The following CAB39L variants were observed in gnomAD, a reference collection of about 807,000 sequenced individuals.
The protein encoded by CAB39L is calcium binding protein 39 like.
A neutral mutation model predicts 39.1 loss-of-function variants in CAB39L; 23 were observed. That is an observed-to-expected ratio of 0.59 (90% confidence interval 0.42 to 0.83). The LOEUF (loss-of-function observed/expected upper bound fraction) is 0.83. Among genes scored for constraint, CAB39L ranks in the 40% least tolerant of loss-of-function variants. The probability of loss-of-function intolerance (pLI) is 0.00; values close to 1 mark genes in which losing one functional copy is unlikely to be tolerated. For missense variants in CAB39L, 366 were observed against 391.9 expected (o/e 0.93, Z 0.56); for synonymous variants, 126 against 137.2 (o/e 0.92, Z 0.57).
At chr13:49,357,982 T>C (rs1280088999) in intron 6 of CAB39L, among the ~76,000 whole-genome samples, 8 of 152,252 alleles carry the variant, frequency 5.3e-5, no homozygotes, top group Non-Finnish European at 1.2e-4. Flanking sequence ...TACTTTCACC[T>C]TTCTGTGGGC....
chr13:49,346,387 GAA>G (rs893818715), intron 7 of CAB39L, among the ~76,000 whole-genome samples: 9 of 146,588 alleles, frequency 6.1e-5, no homozygotes, highest in Non-Finnish European at 1.0e-4. Context: ...ACCCAAGAAG[GAA>G]AAGACAGAAA....
At chr13:49,338,575 G>A (rs1954914346) in intron 9 of CAB39L, among the ~76,000 whole-genome samples, 1 of 151,696 alleles carries the variant, frequency 6.6e-6, no homozygotes, top group East Asian at 1.9e-4. Flanking sequence ...TGGGTGCAGT[G>A]CAACAGCATG....
intron 3 of CAB39L, among the ~76,000 whole-genome samples, chr13:49,419,594 A>G (rs540113866): frequency 9.9e-5 from 15 of 152,272 alleles, no homozygotes; most frequent in Middle Eastern, 3.4e-3. Flanking sequence ...AAAAATAGGA[A>G]GAAGAAGAAA....
At chr13:49,342,515 T>C (rs1200207700) in intron 8 of CAB39L, among the ~76,000 whole-genome samples, 1 of 152,186 alleles carries the variant, frequency 6.6e-6, no homozygotes, top group Non-Finnish European at 1.5e-5. Context: ...ATAATACAAA[T>C]AGTTAAGTGC....
chr13:49,376,568 T>A (rs941702920), intron 5 of CAB39L, among the ~76,000 whole-genome samples: 5 of 152,228 alleles, frequency 3.3e-5, no homozygotes, highest in African/African-American at 1.2e-4. Context: ...AGTGAGTGAC[T>A]TTGGGCAAAT....
At chr13:49,433,017 T>C (rs906084591) in intron 3 of CAB39L, among the ~76,000 whole-genome samples, 1 of 152,208 alleles carries the variant, frequency 6.6e-6, no homozygotes, top group African/African-American at 2.4e-5. Context: ...GGATATATTA[T>C]ACTTGTTTTG....
intron 3 of CAB39L, among the ~76,000 whole-genome samples, chr13:49,404,969 G>C (rs751829943): frequency 1.3e-5 from 2 of 152,144 alleles, no homozygotes; most frequent in Non-Finnish European, 2.9e-5. Flanking sequence ...AGAGTCATTG[G>C]CCTTAAAAAG....
intron 3 of CAB39L, among the ~76,000 whole-genome samples, chr13:49,427,528 G>A (rs1357486850): frequency 1.3e-5 from 2 of 152,000 alleles, no homozygotes; most frequent in Admixed American, 6.6e-5. Context: ...ATCTCTACAA[G>A]AAATAAAAGA....
intron 10 of CAB39L, among the ~76,000 whole-genome samples, chr13:49,321,550 C>T (rs1206834713): frequency 3.9e-5 from 6 of 152,158 alleles, no homozygotes; most frequent in Admixed American, 2.0e-4. Context: ...GTGTGTGCAG[C>T]GTGCGCCTTC....
chr13:49,358,321 T>A (rs1042245364), intron 6 of CAB39L, among the ~76,000 whole-genome samples: 6 of 152,206 alleles, frequency 3.9e-5, no homozygotes, highest in Non-Finnish European at 7.3e-5. Flanking sequence ...ATGTGATTAT[T>A]AAAATTTAAA....
At chr13:49,353,371 T>C (rs556348381) in intron 6 of CAB39L, among the ~76,000 whole-genome samples, 34 of 152,340 alleles carry the variant, frequency 2.2e-4, no homozygotes, top group African/African-American at 6.7e-4. Context: ...TAAAGGCTGT[T>C]GGCCTAGAGA....
chr13:49,395,386 C>CCACCA (rs1956589423), intron 3 of CAB39L, among the ~76,000 whole-genome samples: 1 of 152,048 alleles, frequency 6.6e-6, no homozygotes, highest in Admixed American at 6.6e-5. Flanking sequence ...CAGGCACTCA[C>CCACCA]CACCACGTTC....
At chr13:49,377,960 C>T (rs1456570790) in intron 4 of CAB39L, among the ~76,000 whole-genome samples, 1 of 76,752 alleles carries the variant, frequency 1.3e-5, no homozygotes, top group East Asian at 2.3e-4. Flanking sequence ...GCGTCTCTGC[C>T]CGGCCGCCCA....
chr13:49,378,669 G>C (rs1369106036), intron 4 of CAB39L, among the ~76,000 whole-genome samples: 1 of 61,484 alleles, frequency 1.6e-5, no homozygotes, highest in Admixed American at 1.2e-4. Context: ...ACTGGGAAGT[G>C]AGGAGCCCCT....
chr13:49,339,125 C>CTTTTTTTTTTT (rs1215081648), intron 9 of CAB39L, among the ~76,000 whole-genome samples: 1 of 99,918 alleles, frequency 1.0e-5, no homozygotes, highest in Non-Finnish European at 2.0e-5. Context: ...TTTTACATGT[C>CTTTTTTTTTTT]TTTTTTTTTT....
intron 6 of CAB39L, among the ~76,000 whole-genome samples, chr13:49,358,127 G>T (rs80317833): frequency 0.012 from 1,760 of 152,208 alleles, 31 homozygotes; most frequent in African/African-American, 0.036. Flanking sequence ...ATTCACTTTG[G>T]GGTCTATGTG....
At chr13:49,356,604 T>G (rs1010436370) in intron 6 of CAB39L, among the ~76,000 whole-genome samples, 1 of 152,218 alleles carries the variant, frequency 6.6e-6, no homozygotes, top group African/African-American at 2.4e-5. Flanking sequence ...AGACTTAGGT[T>G]CTATACAGAA....
intron 3 of CAB39L, among the ~76,000 whole-genome samples, chr13:49,425,515 G>A (rs1228911041): frequency 6.6e-6 from 1 of 152,146 alleles, no homozygotes; most frequent in Admixed American, 6.5e-5. Flanking sequence ...TACAATAAAT[G>A]AATCAAGACA....
chr13:49,441,221 GTATA>G (rs59783079), intron 1 of CAB39L, among the ~76,000 whole-genome samples: 3,823 of 121,426 alleles, frequency 0.031, 255 homozygotes, highest in African/African-American at 0.13. Context: ...ATGATTTAGT[GTATA>G]TATATATATA....
Sources: allele counts gnomAD v4.1 joint callset (sites outside exome capture counted in the v4.1 genomes callset), GRCh38; gene constraint gnomAD v4.1.1; transcripts MANE v1.5; gene names NCBI Gene and HGNC (gene_info 2026-07-23, HGNC 2026-07-21).